C16orf96: variants seen among roughly 807,000 people sequenced by gnomAD.
The protein encoded by C16orf96 is uncharacterized protein C16orf96.
A neutral mutation model predicts 103.6 loss-of-function variants in C16orf96; 108 were observed. The observed-to-expected ratio is 1.04, with a 90% CI of 0.89 to 1.22. C16orf96 has a LOEUF of 1.22. C16orf96 is among the 50% of genes most tolerant of loss of function. The probability of loss-of-function intolerance (pLI) is 0.00; values close to 1 mark genes in which losing one functional copy is unlikely to be tolerated. For synonymous variants in C16orf96, 566 were observed against 593.5 expected (o/e 0.95, Z 0.67); for missense variants, 1,586 against 1,464.2 (o/e 1.08, Z -1.36).
the C16orf96 span, among the ~76,000 whole-genome samples, chr16:4,545,553 G>A: frequency 6.6e-5 from 10 of 152,032 alleles, no homozygotes; most frequent in African/African-American, 2.4e-4. Flanking sequence ...CTGCATATCT[G>A]TCCAAATTTC....
In C16orf96 at chr16:4,587,073, A is replaced by T. The variant is rs780172798; in HGVS notation, c.2387A>T (p.Asn796Ile). ...LQAQIKRLEM[N>I]KVNKSTMEEE... is the part of the protein sequence containing the mutation. ...GCTCAAATCAAAAGACTGGAAATGA[A>T]CAAGGTGAATAAGAGCACGATGGAG... The change falls in exon 8 of 16, where the codon AAC becomes ATC. Residue 796 changes from asparagine to isoleucine, a missense_variant. By Grantham distance (149) the Asn-to-Ile change is moderately radical. Coordinates refer to ENST00000444310, the MANE Select transcript of C16orf96 (RefSeq NM_001145011.2). 7 of 1,551,532 alleles carry T rather than the reference A, an allele frequency of 4.5e-6. No individual in the cohort carries two copies. The highest frequency in any genetic ancestry group is 6.1e-6 in the Non-Finnish European group (7 of 1,146,962).
intron 1 of C16orf96, 28 bp from the exon 2 acceptor site, chr16:4,571,533 C>T (rs1342068298): frequency 1.3e-6 from 2 of 1,540,262 alleles, no homozygotes; most frequent in Non-Finnish European, 1.8e-6. Context: ...CCATACCCGG[C>T]TTCACATTTT....
chr16:4,552,044 A>T (rs2059231048), upstream of C16orf96, among the ~76,000 whole-genome samples: 1 of 152,158 alleles, frequency 6.6e-6, no homozygotes, highest in Non-Finnish European at 1.5e-5. Flanking sequence ...TAGTTTGCTG[A>T]GGATGATAGT....
upstream of C16orf96, among the ~76,000 whole-genome samples, chr16:4,555,284 AC>A (rs2059252382): frequency 1.9e-5 from 2 of 102,798 alleles, no homozygotes; most frequent in Non-Finnish European, 4.3e-5. Flanking sequence ...ACACACACAC[AC>A]ACACACACAC....
Position 4,556,424 on chromosome 16 carries a change from A to G in C16orf96, c.-66A>G. On this transcript the variant is annotated 5_prime_UTR_variant, in exon 1 of 16. Coordinates refer to ENST00000444310, the MANE Select transcript of C16orf96 (RefSeq NM_001145011.2). ...ACCAGTCCATGTAGCTCTCGGAACC[A>G]CTGAAAGCTACCCCTTGTCCTTGAG... The G allele has an allele frequency of 6.9e-7, 1 of 1,443,472 alleles. No individual in the cohort carries two copies. The highest frequency in any genetic ancestry group is 9.2e-7 in the Non-Finnish European group (1 of 1,086,700). 89.4% of individuals were successfully genotyped at this position (1,443,472 alleles called of 1,614,324 possible). A position where few individuals can be genotyped will look rare whatever the true frequency, so the allele number is the denominator to read the frequency against.
intron 1 of C16orf96, chr16:4,560,110 A>G (rs1169281328): frequency 6.6e-6 from 1 of 151,040 alleles, no homozygotes; most frequent in Non-Finnish European, 1.5e-5. Flanking sequence ...CTCTGCCTCC[A>G]AGGTTCAAGT....
upstream of C16orf96, among the ~76,000 whole-genome samples, chr16:4,553,866 A>T (rs957169879): frequency 2.6e-5 from 4 of 152,164 alleles, no homozygotes; most frequent in African/African-American, 9.7e-5. Context: ...CAGAGAGGGA[A>T]GCTGAGGCTC....
chr16:4,555,413 G>T (rs893545124), upstream of C16orf96, among the ~76,000 whole-genome samples: 2 of 150,916 alleles, frequency 1.3e-5, no homozygotes, highest in Non-Finnish European at 2.9e-5. Context: ...TCGCTCTGTC[G>T]CCCAGGCTGG....
the C16orf96 span, among the ~76,000 whole-genome samples, chr16:4,540,010 T>C: frequency 6.6e-6 from 1 of 152,176 alleles, no homozygotes; most frequent in African/African-American, 2.4e-5. Context: ...GGGAGACTGA[T>C]TTGAGTAATG....
chr16:4,600,432 G>C lies in C16orf96; in HGVS notation c.*115G>C. The C allele has an allele frequency of 1.5e-6, 1 of 684,102 alleles. No homozygotes were observed. Among genetic ancestry groups the C allele is most frequent in the Non-Finnish European group, 2.4e-6 (1 of 410,094 alleles). 42.4% of individuals were successfully genotyped at this position (684,102 alleles called of 1,614,324 possible). A position where few individuals can be genotyped will look rare whatever the true frequency, so the allele number is the denominator to read the frequency against. ...CCACATCGGAGGCTGAGGCCTATGT[G>C]GCCCCCCACCCCCACCCCCACCAAG... is the stretch of plus-strand genomic sequence containing the variant. On this transcript the variant is annotated 3_prime_UTR_variant, in exon 16 of 16. Transcript: ENST00000444310.
chr16:4,594,469 C>A lies in C16orf96; in HGVS notation c.2986C>A (p.Leu996Ile), dbSNP rs755411665. 3.2e-6 allele frequency: 5 copies of A among 1,551,404 alleles called. No individual in the cohort carries two copies. The highest frequency in any genetic ancestry group is 4.4e-6 in the Non-Finnish European group (5 of 1,147,002). ...GTGCAAGTCCTGCAACCTGTTGACG[C>A]TCTATCCCTACGGGGATCCCCACGT... ...LKCKSCNLLT[L>I]YPYGDPHVID... Residue 996 changes from leucine to isoleucine, a missense_variant, in exon 13 of 16, where the codon CTC (leucine) becomes ATC (isoleucine). Coordinates refer to ENST00000444310, the MANE Select transcript of C16orf96 (RefSeq NM_001145011.2).
intron 6 of C16orf96, among the ~76,000 whole-genome samples, chr16:4,579,580 A>T: frequency 8.4e-6 from 1 of 119,270 alleles, no homozygotes; most frequent in African/African-American, 3.0e-5. Flanking sequence ...AAAAAAAAAA[A>T]TGGCAGGTGG....
intron 1 of C16orf96, among the ~76,000 whole-genome samples, chr16:4,569,851 A>G (rs1448010109): frequency 6.6e-6 from 1 of 152,002 alleles, no homozygotes; most frequent in Admixed American, 6.6e-5. Context: ...GGGAACTTCC[A>G]CTCTCCAGGG....
chr16:4,555,734 G>A (rs975177993), upstream of C16orf96, among the ~76,000 whole-genome samples: 1 of 127,204 alleles, frequency 7.9e-6, no homozygotes, highest in Non-Finnish European at 1.6e-5. Flanking sequence ...GTCTCACTCT[G>A]TTGCCCAGGC....
chr16:4,562,018 A>AT (rs1032196169), intron 1 of C16orf96, among the ~76,000 whole-genome samples: 59 of 152,046 alleles, frequency 3.9e-4, no homozygotes, highest in Admixed American at 4.6e-4. Context: ...GGCTTAGGGT[A>AT]TTTTTTTAAA....
intron 2 of C16orf96, among the ~76,000 whole-genome samples, chr16:4,572,317 T>TTTTTTTTA (rs2059448175): frequency 1.3e-5 from 2 of 148,960 alleles, no homozygotes; most frequent in Non-Finnish European, 1.5e-5. Flanking sequence ...TTTTTTTTTT[T>TTTTTTTTA]GAGATGGAGT....
chr16:4,574,458 G>C (rs2141718198), intron 2 of C16orf96, among the ~76,000 whole-genome samples: 1 of 151,756 alleles, frequency 6.6e-6, no homozygotes, highest in Non-Finnish European at 1.5e-5. Context: ...CTGACCTCAA[G>C]TTATCCACCC....
In C16orf96 at chr16:4,576,206, G is replaced by T. The variant is rs746228731; in HGVS notation, c.1726G>T (p.Ala576Ser). The T allele has an allele frequency of 1.9e-6, 3 of 1,550,486 alleles. No homozygotes were observed. The highest frequency in any genetic ancestry group is 2.0e-5 in the Admixed American group (1 of 50,966). Residue 576 changes from alanine to serine, a missense_variant, in exon 5 of 16, where the codon GCA (alanine) becomes TCA (serine). Physicochemically the swap from Ala to Ser is moderately conservative, Grantham distance 99 (BLOSUM62 1). Coordinates refer to ENST00000444310, the MANE Select transcript of C16orf96 (RefSeq NM_001145011.2). Reference sequence around the variant, plus strand: ...CGCTGCCATCGCCGCCGCTGCCGCCGCAGCCTACGCCGCTGCCACATCCTC... The same window carrying T: ...CGCTGCCATCGCCGCCGCTGCCGCCTCAGCCTACGCCGCTGCCACATCCTC... ...TTAAIAAAAA[A>S]AYAAATSSAA... is the part of the protein sequence containing the mutation.
rs1425749217 is a variant in C16orf96 at position 4,556,507 on chromosome 16, G to A, written c.18G>A (p.Thr6=). The A allele has an allele frequency of 5.9e-6, 9 of 1,532,116 alleles. No individual in the cohort carries two copies. Among genetic ancestry groups the A allele is most frequent in the African/African-American group, 2.7e-5 (2 of 72,838 alleles). 94.9% of individuals were successfully genotyped at this position (1,532,116 alleles called of 1,614,324 possible). A position where few individuals can be genotyped will look rare whatever the true frequency, so the allele number is the denominator to read the frequency against. The change falls in exon 1 of 16, where the codon ACG becomes ACA. Residue 6 remains threonine (T), a synonymous_variant. Coordinates refer to ENST00000444310, the MANE Select transcript of C16orf96 (RefSeq NM_001145011.2). ...CTGGCAGGATGAGCTTCTCACTCAC[G>A]TTCACCGAGCTGGCCAACATCGCCA... The part of the protein sequence containing the change: MSFSL[T]FTELANIAIP...
Sources: allele counts gnomAD v4.1 joint callset (sites outside exome capture counted in the v4.1 genomes callset), GRCh38; gene constraint gnomAD v4.1.1; transcripts MANE v1.5; gene names NCBI Gene and HGNC (gene_info 2026-07-23, HGNC 2026-07-21).